CEP128: variants seen among roughly 807,000 people sequenced by gnomAD.
CEP128 encodes the protein centrosomal protein 128kDa.
Under a neutral mutation model 156.7 loss-of-function variants are expected in CEP128, and 132 were observed. The observed-to-expected ratio is 0.84, with a 90% CI of 0.73 to 0.97. The LOEUF (loss-of-function observed/expected upper bound fraction) is 0.97. CEP128 is among the 50% of genes least tolerant of loss of function. CEP128 has a pLI of 0.00. For synonymous variants in CEP128, 469 were observed against 448.9 expected (o/e 1.04, Z -0.57); for missense variants, 1,252 against 1,281.9 (o/e 0.98, Z 0.36).
chr14:80,872,053 C>T (rs919359531), intron 8 of CEP128, among the ~76,000 whole-genome samples: 2 of 152,114 alleles, frequency 1.3e-5, no homozygotes, highest in Admixed American at 1.3e-4. Flanking sequence ...TTCTTATAAA[C>T]TCTATTAATG....
At chr14:80,529,960 A>C (rs911162270) in intron 22 of CEP128, among the ~76,000 whole-genome samples, 10 of 152,204 alleles carry the variant, frequency 6.6e-5, no homozygotes, top group African/African-American at 2.4e-4. Context: ...CCAATAAATC[A>C]ATATGGCATG....
At chr14:80,931,074 A>G (rs1885432606) in intron 2 of CEP128, among the ~76,000 whole-genome samples, 1 of 152,232 alleles carries the variant, frequency 6.6e-6, no homozygotes, top group Non-Finnish European at 1.5e-5. Flanking sequence ...TGTTGACGAT[A>G]AGGCAAGAAT....
intron 19 of CEP128, among the ~76,000 whole-genome samples, chr14:80,624,008 C>A (rs550677188): frequency 6.6e-6 from 1 of 152,268 alleles, no homozygotes; most frequent in African/African-American, 2.4e-5. Context: ...GACACTGCTA[C>A]AGTACTTTAC....
At chr14:80,657,422 T>A (rs1277822364) in intron 19 of CEP128, among the ~76,000 whole-genome samples, 2 of 151,872 alleles carry the variant, frequency 1.3e-5, no homozygotes, top group South Asian at 2.1e-4. Context: ...GAGGCCAAGG[T>A]GGGCAGATCA....
chr14:80,669,216 TA>T (rs1432432089), intron 19 of CEP128, among the ~76,000 whole-genome samples: 1 of 152,146 alleles, frequency 6.6e-6, no homozygotes, highest in Non-Finnish European at 1.5e-5. Context: ...ATAAAAATAC[TA>T]GAAGAAAATC....
rs1213137530 is a variant in CEP128 at position 80,797,173 on chromosome 14, A to AATCTTCT, written c.1210-4070_1210-4064dup. ...AAGCAAAGTAACTTCAGGGTTATTT[A>AATCTTCT]ATCTTCTGTAACTACAGAGCAACAA... On this transcript the variant is annotated intron_variant, in intron 13 of 24. Transcript: ENST00000555265. Among the ~76,000 whole-genome samples, 6 of 152,308 alleles carry AATCTTCT rather than the reference A, an allele frequency of 3.9e-5. 1 individual carries two copies. Among genetic ancestry groups the AATCTTCT allele is most frequent in the African/African-American group, 1.4e-4 (6 of 41,570 alleles).
At chr14:80,530,109 T>C (rs1889157894) in intron 22 of CEP128, among the ~76,000 whole-genome samples, 1 of 152,230 alleles carries the variant, frequency 6.6e-6, no homozygotes, top group Non-Finnish European at 1.5e-5. Flanking sequence ...TTCCCATTGT[T>C]AGCTTCAGCT....
intron 19 of CEP128, among the ~76,000 whole-genome samples, chr14:80,674,946 T>C (rs990328479): frequency 3.9e-5 from 6 of 152,116 alleles, no homozygotes; most frequent in African/African-American, 9.6e-5. Flanking sequence ...CTACTCTCTA[T>C]AGCACATTAC....
chr14:80,772,730 C>G (rs1900581569), intron 16 of CEP128, among the ~76,000 whole-genome samples: 1 of 152,138 alleles, frequency 6.6e-6, no homozygotes, highest in Admixed American at 6.5e-5. Flanking sequence ...TGTGCTCCCC[C>G]TCCCATAAGA....
Position 80,710,431 on chromosome 14 carries a change from C to T in CEP128, c.2806+32644G>A, listed in dbSNP as rs546974752. Among the ~76,000 whole-genome samples the T allele has an allele frequency of 4.6e-5, 7 of 152,210 alleles. No individual in the cohort carries two copies. The South Asian group carries it at 1.4e-3, about 32-fold the overall frequency. On this transcript the variant is annotated intron_variant, in intron 19 of 24. Coordinates refer to ENST00000555265, the MANE Select transcript of CEP128 (RefSeq NM_152446.5). The stretch of plus-strand genomic sequence containing the variant: ...GTGTCAACTGAATTCATACACGTCT[C>T]ACCACCTATGAAAATAATTAAAATA...
chr14:80,819,287 C>T (rs1885036798), intron 13 of CEP128, among the ~76,000 whole-genome samples: 1 of 135,062 alleles, frequency 7.4e-6, no homozygotes, highest in Non-Finnish European at 1.5e-5. Flanking sequence ...CACTCTGTCA[C>T]CCAGGCTGGA....
chr14:80,689,563 T>C (rs1207597626), intron 19 of CEP128, among the ~76,000 whole-genome samples: 1 of 152,210 alleles, frequency 6.6e-6, no homozygotes, highest in Non-Finnish European at 1.5e-5. Flanking sequence ...GATACAACTG[T>C]ATTTAAATAA....
intron 12 of CEP128, among the ~76,000 whole-genome samples, chr14:80,834,308 A>C (rs981166081): frequency 3.3e-5 from 5 of 152,142 alleles, no homozygotes; most frequent in African/African-American, 1.2e-4. Flanking sequence ...TTCAAGAAGG[A>C]AGAAGAAATA....
chr14:80,936,742 C>T (rs2139613184), intron 2 of CEP128, among the ~76,000 whole-genome samples: 1 of 152,198 alleles, frequency 6.6e-6, no homozygotes, highest in Non-Finnish European at 1.5e-5. Context: ...GATACATAAG[C>T]AGACAATTCA....
At chr14:80,852,248 A>G (rs1393505588) in intron 9 of CEP128, among the ~76,000 whole-genome samples, 1 of 152,026 alleles carries the variant, frequency 6.6e-6, no homozygotes, top group Non-Finnish European at 1.5e-5. Context: ...AATTAAAAAC[A>G]ATAAAAAGAG....
At chr14:80,635,472 T>C (rs1894143029) in intron 19 of CEP128, among the ~76,000 whole-genome samples, 1 of 152,296 alleles carries the variant, frequency 6.6e-6, no homozygotes, top group Non-Finnish European at 1.5e-5. Context: ...AACTGAAACA[T>C]GACCCTGTTA....
At chr14:80,726,207 A>G (rs1445522187) in intron 19 of CEP128, among the ~76,000 whole-genome samples, 1 of 152,222 alleles carries the variant, frequency 6.6e-6, no homozygotes. Context: ...CCTTGTATTA[A>G]TAGGGAAAAT....
At chr14:80,594,731 T>A (rs1468756282) in intron 19 of CEP128, among the ~76,000 whole-genome samples, 4 of 152,308 alleles carry the variant, frequency 2.6e-5, no homozygotes, top group African/African-American at 7.2e-5. Context: ...AAGCTCATCA[T>A]CACTGGTCAT....
intron 19 of CEP128, among the ~76,000 whole-genome samples, chr14:80,591,333 GA>G (rs920387157): frequency 2.5e-4 from 35 of 142,730 alleles, no homozygotes; most frequent in African/African-American, 8.0e-4. Flanking sequence ...CAAATGGAAA[GA>G]AAAAAAAAAG....
Sources: gnomAD v4.1 joint callset for allele counts (sites outside exome capture counted in the v4.1 genomes callset) on GRCh38, gnomAD v4.1.1 for gene constraint, MANE v1.5 for transcripts, NCBI Gene and HGNC (gene_info 2026-07-23, HGNC 2026-07-21) for gene names.